Variants in LOC400499 observed in about 807,000 individuals in gnomAD.
At chr16:11,480,407 G>A in the LOC400499 span, among the ~76,000 whole-genome samples, 15 of 152,166 alleles carry the variant, frequency 9.9e-5, no homozygotes, top group Non-Finnish European at 1.6e-4. Flanking sequence ...TGGTGGTTAG[G>A]AAACATGTGA....
the LOC400499 span, among the ~76,000 whole-genome samples, chr16:11,490,947 C>T: frequency 6.6e-6 from 1 of 152,218 alleles, no homozygotes; most frequent in African/African-American, 2.4e-5. Flanking sequence ...TACAGCTACA[C>T]TGCATTAATA....
chr16:11,450,374 C>G, the LOC400499 span, among the ~76,000 whole-genome samples: 8 of 152,224 alleles, frequency 5.3e-5, no homozygotes, highest in African/African-American at 1.9e-4. Flanking sequence ...ATATTTCTCT[C>G]CCCGTCATCT....
the LOC400499 span, chr16:11,476,891 C>G: frequency 2.5e-6 from 1 of 399,514 alleles, no homozygotes; most frequent in African/African-American, 2.1e-5. Context: ...CACCTCAGCC[C>G]GGCCTGCCCC....
chr16:11,476,197 G>A, the LOC400499 span, among the ~76,000 whole-genome samples: 5 of 151,970 alleles, frequency 3.3e-5, no homozygotes, highest in African/African-American at 7.3e-5. Flanking sequence ...GGGCAGATGC[G>A]AGGAGGGAGG....
the LOC400499 span, among the ~76,000 whole-genome samples, chr16:11,493,345 T>C: frequency 3.9e-5 from 6 of 152,200 alleles, no homozygotes; most frequent in African/African-American, 1.2e-4. Context: ...TAAAACTTTA[T>C]TGAGAAAAAC....
the LOC400499 span, among the ~76,000 whole-genome samples, chr16:11,376,365 T>TCC: frequency 1.3e-5 from 2 of 150,854 alleles, no homozygotes; most frequent in African/African-American, 4.9e-5. Context: ...TTTTTTTTTT[T>TCC]CCCAACATGT....
chr16:11,458,441 G>A, the LOC400499 span, among the ~76,000 whole-genome samples: 4 of 150,882 alleles, frequency 2.7e-5, no homozygotes, highest in African/African-American at 4.9e-5. Flanking sequence ...GGAGGCGGAG[G>A]TTGCAGTGAG....
the LOC400499 span, among the ~76,000 whole-genome samples, chr16:11,376,770 G>A: frequency 3.8e-3 from 583 of 152,212 alleles, 2 homozygotes; most frequent in Non-Finnish European, 6.1e-3. Context: ...TAAACCTGTA[G>A]ATCACTTTGA....
the LOC400499 span, chr16:11,425,384 C>T: frequency 2.5e-6 from 1 of 399,374 alleles, no homozygotes; most frequent in Non-Finnish European, 4.4e-6. Flanking sequence ...CATGCTGGTC[C>T]CGCAGGAGGA....
At chr16:11,514,811 C>T in the LOC400499 span, among the ~76,000 whole-genome samples, 1 of 152,184 alleles carries the variant, frequency 6.6e-6, no homozygotes, top group Non-Finnish European at 1.5e-5. Flanking sequence ...ACAGTGACCC[C>T]CCAGGAGAGG....
the LOC400499 span, among the ~76,000 whole-genome samples, chr16:11,408,324 G>C: frequency 2.6e-5 from 4 of 151,904 alleles, no homozygotes; most frequent in Non-Finnish European, 5.9e-5. Context: ...GCGTCATTTC[G>C]TTAGTGATAC....
the LOC400499 span, among the ~76,000 whole-genome samples, chr16:11,432,123 C>T: frequency 1.3e-5 from 2 of 152,210 alleles, no homozygotes; most frequent in African/African-American, 4.8e-5. Flanking sequence ...CCTTCCTGGA[C>T]TTCCCAGTCC....
chr16:11,450,473 G>A, the LOC400499 span: 1 of 760,898 alleles, frequency 1.3e-6, no homozygotes, highest in South Asian at 1.9e-5. Flanking sequence ...ATAGTTGCAG[G>A]CACTGGGAGG....
chr16:11,470,883 C>T, the LOC400499 span, among the ~76,000 whole-genome samples: 3 of 152,118 alleles, frequency 2.0e-5, no homozygotes, highest in Admixed American at 6.5e-5. Flanking sequence ...GTGGATGTCC[C>T]GGGGAAGAGT....
At chr16:11,499,588 C>A in the LOC400499 span, among the ~76,000 whole-genome samples, 1 of 152,088 alleles carries the variant, frequency 6.6e-6, no homozygotes. Flanking sequence ...ACCCTGCGGT[C>A]AGGGGCCAGA....
At chr16:11,375,211 G>A in the LOC400499 span, among the ~76,000 whole-genome samples, 1 of 142,826 alleles carries the variant, frequency 7.0e-6, no homozygotes, top group East Asian at 1.9e-4. Flanking sequence ...TATACTCCCC[G>A]TAAGAATACA....
At chr16:11,490,476 G>A in the LOC400499 span, among the ~76,000 whole-genome samples, 1 of 151,390 alleles carries the variant, frequency 6.6e-6, no homozygotes, top group Non-Finnish European at 1.5e-5. Flanking sequence ...GAGGCGGGCA[G>A]ATCATGAGGT....
chr16:11,420,796 C>T, the LOC400499 span, among the ~76,000 whole-genome samples: 1 of 152,118 alleles, frequency 6.6e-6, no homozygotes, highest in African/African-American at 2.4e-5. Context: ...GCATCTCAGG[C>T]CCCACCCCAG....
At chr16:11,433,242 A>G in the LOC400499 span, among the ~76,000 whole-genome samples, 1 of 152,250 alleles carries the variant, frequency 6.6e-6, no homozygotes, top group African/African-American at 2.4e-5. Flanking sequence ...CATTTTAATA[A>G]TTTGCCTCGA....
Sources: allele counts gnomAD v4.1 joint callset (sites outside exome capture counted in the v4.1 genomes callset), GRCh38; gene constraint gnomAD v4.1.1; transcripts MANE v1.5.